Variants in ITK observed in about 807,000 individuals in gnomAD.
ITK encodes the protein tyrosine-protein kinase ITK/TSK.
In ITK, 45 loss-of-function variants were observed where a neutral mutation model predicts 87.6. The ratio of observed to expected loss-of-function variants is 0.51; its 90% CI spans 0.40 to 0.66. The LOEUF is 0.66. Ranked by LOEUF, ITK falls within the 30% of genes least tolerant of loss-of-function variation. The pLI, the probability that ITK is intolerant of heterozygous loss-of-function variation, is 0.00. For synonymous variants in ITK, 303 were observed against 273.6 expected (o/e 1.11, Z -1.06); for missense variants, 605 against 766.3 (o/e 0.79, Z 2.48).
chr5:157,216,482 A>G (rs1471793201), intron 4 of ITK, among the ~76,000 whole-genome samples: 1 of 152,180 alleles, frequency 6.6e-6, no homozygotes, highest in Non-Finnish European at 1.5e-5. Context: ...GGTGGATGAA[A>G]GAATCTGAGG....
chr5:157,189,995 A>T (rs536908780), intron 1 of ITK, among the ~76,000 whole-genome samples: 3 of 152,202 alleles, frequency 2.0e-5, no homozygotes, highest in Non-Finnish European at 4.4e-5. Flanking sequence ...ACTAAAAGTG[A>T]TCCTAAGGAG....
chr5:157,196,852 A>G (rs556729145), intron 1 of ITK, among the ~76,000 whole-genome samples: 17 of 152,322 alleles, frequency 1.1e-4, no homozygotes, highest in South Asian at 8.3e-4. Flanking sequence ...CTCATTTAAC[A>G]TTTCATATTT....
chr5:157,180,928 T>C lies in ITK; in HGVS notation c.-50T>C, dbSNP rs1753498857. 6.2e-7 allele frequency: 1 copy of C among 1,601,054 alleles called. No individual in the cohort carries two copies. The highest frequency in any genetic ancestry group is 1.1e-5 in the South Asian group (1 of 90,800). On this transcript the variant is annotated 5_prime_UTR_variant, in exon 1 of 17. Coordinates refer to ENST00000422843, the MANE Select transcript of ITK (RefSeq NM_005546.4). ...TTTGCCCCAAAACTCTTTCCTTTGG[T>C]TGTGCTAAGAGGTGATGCCCAAGGT...
intron 9 of ITK, 91 bp downstream of exon 9, chr5:157,238,282 A>G (rs1466844115): frequency 1.1e-6 from 1 of 939,742 alleles, no homozygotes; most frequent in Non-Finnish European, 1.7e-6. Context: ...AGACAGTGCA[A>G]GAGGTAGAGG....
intron 1 of ITK, among the ~76,000 whole-genome samples, chr5:157,202,743 T>A (rs246853): frequency 0.22 from 33,905 of 152,154 alleles, 4,497 homozygotes; most frequent in Admixed American, 0.3. Flanking sequence ...ATTTTAGATA[T>A]TGGGTTAAAC....
chr5:157,240,468 T>C, intron 10 of ITK: 1 of 500,148 alleles, frequency 2.0e-6, no homozygotes, highest in East Asian at 3.7e-5. Flanking sequence ...ACAAAGCCGA[T>C]CCCTGGTGCC....
intron 1 of ITK, among the ~76,000 whole-genome samples, chr5:157,204,397 C>T (rs1385582230): frequency 6.6e-6 from 1 of 151,686 alleles, no homozygotes; most frequent in South Asian, 2.1e-4. Context: ...CCCATCTCTA[C>T]TAAAATACAA....
chr5:157,228,351 G>A lies in ITK; in HGVS notation c.703G>A (p.Glu235Lys). The A allele has an allele frequency of 6.3e-7, 1 of 1,583,252 alleles. No homozygotes were observed. The highest frequency in any genetic ancestry group is 8.7e-7 in the Non-Finnish European group (1 of 1,152,108). Residue 235 changes from glutamate to lysine, a missense_variant, in exon 7 of 17, where the codon GAA becomes AAA. Coordinates refer to ENST00000422843, the MANE Select transcript of ITK (RefSeq NM_005546.4). Reference sequence around the variant, plus strand: ...GGTGGAAAAATCTCCAAATAATCTGGAAACCTATGAGTAAGATATTTTATT... The same window carrying A: ...GGTGGAAAAATCTCCAAATAATCTGAAAACCTATGAGTAAGATATTTTATT... ...YLVEKSPNNLETYEWYNKSIS... is the reference protein window; with the variant it reads ...YLVEKSPNNLKTYEWYNKSIS...
intron 10 of ITK, 77 bp downstream of exon 10, chr5:157,240,272 G>A: frequency 7.5e-7 from 1 of 1,337,598 alleles, no homozygotes; most frequent in East Asian, 2.3e-5. Flanking sequence ...TACTGCCTGA[G>A]CTCTGCCTTC....
chr5:157,210,672 C>G (rs1754172465), intron 2 of ITK, among the ~76,000 whole-genome samples: 1 of 147,350 alleles, frequency 6.8e-6, no homozygotes, highest in Admixed American at 6.7e-5. Flanking sequence ...TTGGGTATAT[C>G]TCCCAATGCT....
At chr5:157,217,210 G>A (rs140041280) in intron 4 of ITK, among the ~76,000 whole-genome samples, 1 of 152,070 alleles carries the variant, frequency 6.6e-6, no homozygotes, top group Non-Finnish European at 1.5e-5. Context: ...AAAGAGAGAG[G>A]AGAAGAGAAG....
Position 157,254,878 on chromosome 5 carries a change from C to G in ITK, c.*2200C>G. ...TGTACATTCTTCACCTCCTGGTGCC[C>G]TATCCCGCAAAATGGGCTTCCTGCC... is the stretch of plus-strand genomic sequence containing the variant. On this transcript the variant is annotated 3_prime_UTR_variant, in exon 17 of 17. Coordinates refer to ENST00000422843, the MANE Select transcript of ITK (RefSeq NM_005546.4). 1 of 216,528 alleles carries G rather than the reference C, an allele frequency of 4.6e-6. No individual in the cohort carries two copies. The highest frequency in any genetic ancestry group is 9.3e-6 in the Non-Finnish European group (1 of 107,542). The allele number at this position is 216,528 out of a possible 1,614,324, so 13.4% of individuals were successfully genotyped here. A position where few individuals can be genotyped will look rare whatever the true frequency, so the allele number is the denominator to read the frequency against.
At chr5:157,228,188 A>G (rs757278805) in intron 6 of ITK, 108 bp from the exon 7 acceptor site, 9 of 765,070 alleles carry the variant, frequency 1.2e-5, no homozygotes, top group Non-Finnish European at 1.8e-5. Flanking sequence ...CAAATGCCAA[A>G]TAATGTGATA....
At chr5:157,213,233 C>T (rs552263298) in intron 3 of ITK, among the ~76,000 whole-genome samples, 1 of 152,252 alleles carries the variant, frequency 6.6e-6, no homozygotes, top group Non-Finnish European at 1.5e-5. Context: ...ACTTATAAAA[C>T]CATCAGGTCT....
chr5:157,233,942 TATATATATATATATATATA>T (rs1754712063), intron 8 of ITK, among the ~76,000 whole-genome samples: 1 of 16,430 alleles, frequency 6.1e-5, no homozygotes, highest in Non-Finnish European at 1.4e-4. Context: ...CATATATATA[TATATATATATATATATATA>T]TATTTTTTTT....
At position 157,194,206 on chromosome 5, in the gene ITK, C is replaced by T. The variant is rs71593006; in HGVS notation, c.138+13091C>T. Among the ~76,000 whole-genome samples the T allele has an allele frequency of 4.2e-3, 640 of 152,196 alleles. 1 individual carries two copies. The highest frequency in any genetic ancestry group is 6.5e-3 in the Non-Finnish European group (440 of 68,008). ...GTAATTCTACTTACCTTCACGACTG[C>T]GAGCATCTCAGCCAGTTTCTCGCTG... On this transcript the variant is annotated intron_variant, in intron 1 of 16. Coordinates refer to ENST00000422843, the MANE Select transcript of ITK (RefSeq NM_005546.4).
In ITK at chr5:157,196,111, T is replaced by G. The variant is rs181728192; in HGVS notation, c.139-12778T>G. Among the ~76,000 whole-genome samples the G allele has an allele frequency of 1.3e-3, 193 of 152,178 alleles. 1 individual carries two copies. The highest frequency in any genetic ancestry group is 3.7e-3 in the African/African-American group (155 of 41,508). On this transcript the variant is annotated intron_variant, in intron 1 of 16. Coordinates refer to ENST00000422843, the MANE Select transcript of ITK (RefSeq NM_005546.4). ...ATATCCTACAATTCACAGGACAGAC[T>G]CACAACAAAAAATTATTCAGCCCAA... is the stretch of plus-strand genomic sequence containing the variant.
chr5:157,191,953 A>G (rs982546809), intron 1 of ITK, among the ~76,000 whole-genome samples: 12 of 152,220 alleles, frequency 7.9e-5, no homozygotes, highest in African/African-American at 2.9e-4. Context: ...ATTTATTGCT[A>G]CATCATCTTC....
In ITK at chr5:157,214,367, A is replaced by T. The variant is rs202163716; in HGVS notation, c.454+48A>T. On this transcript the variant is annotated intron_variant, in intron 4 of 16. Coordinates refer to ENST00000422843, the MANE Select transcript of ITK (RefSeq NM_005546.4). Reference sequence around the variant, plus strand: ...TAGTTTTTGTGAAATGACCATAAAAAAGTAAAAGCTTTTGGCCTTTAATCA... The same window carrying T: ...TAGTTTTTGTGAAATGACCATAAAATAGTAAAAGCTTTTGGCCTTTAATCA... The T allele has an allele frequency of 2.5e-5, 39 of 1,541,722 alleles. No individual in the cohort carries two copies. The East Asian group carries it at 8.3e-4, about 33-fold the overall frequency.
Sources: gnomAD v4.1 joint callset for allele counts (sites outside exome capture counted in the v4.1 genomes callset) on GRCh38, gnomAD v4.1.1 for gene constraint, MANE v1.5 for transcripts, NCBI Gene and HGNC (gene_info 2026-07-23, HGNC 2026-07-21) for gene names.